TNRC6B: variants seen among roughly 807,000 people sequenced by gnomAD.
TNRC6B encodes the protein trinucleotide repeat-containing gene 6B protein.
In TNRC6B, 52 loss-of-function variants were observed where a neutral mutation model predicts 203.6. That is an observed-to-expected ratio of 0.26 (90% CI 0.20 to 0.32). The LOEUF (loss-of-function observed/expected upper bound fraction) is 0.32. Among genes scored for constraint, TNRC6B ranks in the 10% least tolerant of loss-of-function variants. The probability of loss-of-function intolerance (pLI) is 1.00; values close to 1 mark genes in which losing one functional copy is unlikely to be tolerated. For synonymous variants in TNRC6B, 838 were observed against 845.7 expected (o/e 0.99, Z 0.16); for missense variants, 1,923 against 2,286.2 (o/e 0.84, Z 3.24).
intron 19 of TNRC6B, among the ~76,000 whole-genome samples, chr22:40,313,567 T>C (rs1197995715): frequency 6.6e-6 from 1 of 152,242 alleles, no homozygotes; most frequent in Non-Finnish European, 1.5e-5. Context: ...CATAGTGCCT[T>C]ACTGATTGGT....
At chr22:40,321,314 G>A (rs1569069794) in intron 22 of TNRC6B, 85 bp downstream of exon 22, 1 of 1,484,256 alleles carries the variant, frequency 6.7e-7, no homozygotes, top group Non-Finnish European at 9.2e-7. Context: ...AATTAAAGAT[G>A]CACCAGAACA....
At chr22:40,308,481 G>A (rs752652753) in intron 15 of TNRC6B, 31 bp from the exon 16 acceptor site, 3 of 1,613,682 alleles carry the variant, frequency 1.9e-6, no homozygotes, top group Admixed American at 3.3e-5. Context: ...TGATGCTGGA[G>A]ACTTATAAAA....
chr22:40,149,006 C>CTTCA (rs2068721296), intron 3 of TNRC6B, among the ~76,000 whole-genome samples: 1 of 152,178 alleles, frequency 6.6e-6, no homozygotes, highest in African/African-American at 2.4e-5. Flanking sequence ...ATTTGAAATA[C>CTTCA]TTCATTACAG....
chr22:40,065,609 T>A (rs1054333662), intron 1 of TNRC6B, among the ~76,000 whole-genome samples: 1 of 152,164 alleles, frequency 6.6e-6, no homozygotes, highest in African/African-American at 2.4e-5. Flanking sequence ...GTCTGGTGAT[T>A]TTTATTGGAT....
chr22:40,045,674 G>A (rs1014589301), intron 1 of TNRC6B: 2 of 152,252 alleles, frequency 1.3e-5, no homozygotes, highest in East Asian at 1.9e-4. Flanking sequence ...GGAAACGAGG[G>A]GCACGGAGAG....
At position 40,326,024 on chromosome 22, in the gene TNRC6B, C is replaced by T. The variant is rs955247303; in HGVS notation, c.*2783C>T. 32 of 151,392 alleles carry T rather than the reference C, an allele frequency of 2.1e-4. No individual in the cohort carries two copies. Among genetic ancestry groups the T allele is most frequent in the African/African-American group, 7.6e-4 (31 of 40,978 alleles). The allele number at this position is 151,392 out of a possible 1,614,324, so 9.4% of individuals were successfully genotyped here. A position where few individuals can be genotyped will look rare whatever the true frequency, so the allele number is the denominator to read the frequency against. ...AGCTTAAAGGGAAAAAAACTAAAAA[C>T]TTTAAAAAAAAAAGACCAAAAAGTG... On this transcript the variant is annotated 3_prime_UTR_variant, in exon 23 of 23. Coordinates refer to ENST00000454349, the MANE Select transcript of TNRC6B (RefSeq NM_001162501.2).
intron 3 of TNRC6B, among the ~76,000 whole-genome samples, chr22:40,128,559 G>A (rs1003393468): frequency 6.6e-6 from 1 of 151,282 alleles, no homozygotes; most frequent in African/African-American, 2.4e-5. Context: ...ACGGCTCACG[G>A]CTCACGGCTC....
At chr22:40,110,841 C>A (rs972789482) in intron 1 of TNRC6B, among the ~76,000 whole-genome samples, 2 of 152,220 alleles carry the variant, frequency 1.3e-5, no homozygotes, top group African/African-American at 4.8e-5. Context: ...TAAGCCCCAG[C>A]TTTGTTTTTG....
At chr22:40,138,494 G>A (rs553141506) in intron 3 of TNRC6B, among the ~76,000 whole-genome samples, 1 of 152,282 alleles carries the variant, frequency 6.6e-6, no homozygotes, top group African/African-American at 2.4e-5. Context: ...TCGAATTCCT[G>A]ACCTCAGGTG....
chr22:40,254,062 C>T (rs982508346), intron 3 of TNRC6B, among the ~76,000 whole-genome samples: 1 of 151,978 alleles, frequency 6.6e-6, no homozygotes, highest in African/African-American at 2.4e-5. Flanking sequence ...TATTCTCCAC[C>T]ATTAAAAAAA....
At chr22:40,270,376 G>C in intron 6 of TNRC6B, 96 bp downstream of exon 6, 1 of 1,222,168 alleles carries the variant, frequency 8.2e-7, no homozygotes, top group Non-Finnish European at 1.0e-6. Context: ...CTGGAGTGCA[G>C]TGGTGCAATT....
chr22:40,069,589 G>A (rs1391512424), intron 1 of TNRC6B, among the ~76,000 whole-genome samples: 1 of 151,588 alleles, frequency 6.6e-6, no homozygotes, highest in African/African-American at 2.4e-5. Context: ...CTAGGTTCAG[G>A]CGATTCTCCT....
rs370817024 is a variant in TNRC6B at position 40,069,491 on chromosome 22, A to AT, written c.-121+24506dup. ...ACTTTGTAAGAGCTTTTTTTTTTTA[A>AT]TTTTTTTTTTTTTGAGATGGAGTTT... On this transcript the variant is annotated intron_variant, in intron 1 of 23. Transcript: ENST00000301923. Among the ~76,000 whole-genome samples, 775 of 137,772 alleles carry AT rather than the reference A, an allele frequency of 5.6e-3. 5 individuals are homozygous for AT. The highest frequency in any genetic ancestry group is 0.012 in the Admixed American group (162 of 13,938). The allele number at this position is 137,772 out of a possible 152,430, so 90.4% of individuals were successfully genotyped here. A position where few individuals can be genotyped will look rare whatever the true frequency, so the allele number is the denominator to read the frequency against.
In TNRC6B at chr22:40,301,341, G is replaced by A; in HGVS notation, c.4120+8G>A. 1 of 1,603,324 alleles carries A rather than the reference G, an allele frequency of 6.2e-7. No homozygotes were observed. The highest frequency in any genetic ancestry group is 8.5e-7 in the Non-Finnish European group (1 of 1,174,148). ...TACCTGGATATGGTTCTGGTAAGTT[G>A]TTGGTAGAGAAAATTACCTTTTTAG... On this transcript the variant is annotated splice_region_variant and intron_variant, in intron 15 of 22. Coordinates refer to ENST00000454349, the MANE Select transcript of TNRC6B (RefSeq NM_001162501.2).
intron 1 of TNRC6B, among the ~76,000 whole-genome samples, chr22:40,073,415 G>T (rs1299942455): frequency 1.3e-5 from 2 of 152,072 alleles, no homozygotes; most frequent in African/African-American, 4.8e-5. Flanking sequence ...AAACTGTTGG[G>T]GGTGGATTAG....
intron 4 of TNRC6B, chr22:40,156,187 G>A (rs1363033120): frequency 3.2e-6 from 5 of 1,566,072 alleles, no homozygotes; most frequent in Admixed American, 1.9e-5. Flanking sequence ...CAAACAGTGA[G>A]TCACAGTTTA....
intron 7 of TNRC6B, among the ~76,000 whole-genome samples, chr22:40,273,974 G>T (rs896431727): frequency 2.6e-5 from 4 of 152,138 alleles, no homozygotes; most frequent in Admixed American, 6.5e-5. Flanking sequence ...AATGAAAGGT[G>T]TGAGGCAACT....
At chr22:40,062,357 T>A (rs2067860490) in intron 1 of TNRC6B, among the ~76,000 whole-genome samples, 1 of 151,856 alleles carries the variant, frequency 6.6e-6, no homozygotes, top group East Asian at 1.9e-4. Context: ...TCCACCACCA[T>A]GCCCAGCTGC....
At chr22:40,228,275 A>G (rs1041625346) in intron 1 of TNRC6B, among the ~76,000 whole-genome samples, 4 of 151,604 alleles carry the variant, frequency 2.6e-5, no homozygotes, top group African/African-American at 9.7e-5. Context: ...TAAAAATACT[A>G]AAAAATTAGC....
Sources: allele counts gnomAD v4.1 joint callset (sites outside exome capture counted in the v4.1 genomes callset), GRCh38; gene constraint gnomAD v4.1.1; transcripts MANE v1.5; gene names NCBI Gene and HGNC (gene_info 2026-07-23, HGNC 2026-07-21).